MSRA: variants seen among roughly 807,000 people sequenced by gnomAD.
MSRA encodes the protein methionine sulfoxide reductase A.
In MSRA, 54 loss-of-function variants were observed where a neutral mutation model predicts 31.3. The observed-to-expected ratio is 1.73, with a 90% CI of 1.39 to 2.17. The LOEUF is 2.17. Ranked by LOEUF, MSRA falls within the 30% of genes most tolerant of loss-of-function variation. MSRA has a pLI of 0.00. For missense variants in MSRA, 507 were observed against 300.9 expected (o/e 1.69, Z -5.07); for synonymous variants, 169 against 116.5 (o/e 1.45, Z -2.90).
chr8:10,248,421 C>A (rs908181445), intron 3 of MSRA, among the ~76,000 whole-genome samples: 1 of 152,102 alleles, frequency 6.6e-6, no homozygotes, highest in African/African-American at 2.4e-5. Flanking sequence ...CTCTGTGCAA[C>A]CTCTTATGTG....
chr8:10,302,082 G>A (rs150010423), intron 4 of MSRA, among the ~76,000 whole-genome samples: 194 of 152,252 alleles, frequency 1.3e-3, no homozygotes, highest in African/African-American at 4.5e-3. Context: ...AATGTATGTG[G>A]TGATAAAGAA....
chr8:10,284,471 G>A (rs772121966), intron 3 of MSRA, among the ~76,000 whole-genome samples: 1 of 152,154 alleles, frequency 6.6e-6, no homozygotes. Context: ...TGGGATTACA[G>A]GCATGAGCCA....
At chr8:10,112,115 C>A (rs1388064097) in intron 1 of MSRA, among the ~76,000 whole-genome samples, 1 of 151,928 alleles carries the variant, frequency 6.6e-6, no homozygotes, top group Non-Finnish European at 1.5e-5. Flanking sequence ...TCACCTCTGA[C>A]ACCCAAGTCC....
intron 3 of MSRA, among the ~76,000 whole-genome samples, chr8:10,271,719 T>A (rs1177845051): frequency 7.7e-5 from 1 of 13,034 alleles, no homozygotes; most frequent in Non-Finnish European, 2.3e-4. Context: ...ATGGGTAGTC[T>A]TTTTTTTTTT....
At chr8:10,140,999 T>C (rs1802655674) in intron 1 of MSRA, among the ~76,000 whole-genome samples, 1 of 152,042 alleles carries the variant, frequency 6.6e-6, no homozygotes, top group Admixed American at 6.6e-5. Context: ...CGGAAGTCCT[T>C]TTTGGGGGCT....
At chr8:10,288,334 T>G (rs1266774185) in intron 3 of MSRA, among the ~76,000 whole-genome samples, 1 of 152,208 alleles carries the variant, frequency 6.6e-6, no homozygotes, top group Admixed American at 6.5e-5. Flanking sequence ...GTAAGATATT[T>G]TTGTCCCCCA....
intron 4 of MSRA, among the ~76,000 whole-genome samples, chr8:10,315,852 C>T (rs577224463): frequency 9.2e-5 from 14 of 152,248 alleles, no homozygotes; most frequent in African/African-American, 2.6e-4. Flanking sequence ...CATTCTAGGA[C>T]GCATAATAAG....
At chr8:10,222,102 G>A (rs565445073) in intron 2 of MSRA, among the ~76,000 whole-genome samples, 80 of 151,740 alleles carry the variant, frequency 5.3e-4, no homozygotes, top group East Asian at 7.7e-4. Context: ...TAAAGCCACC[G>A]TGAGTGCTCT....
intron 5 of MSRA, among the ~76,000 whole-genome samples, chr8:10,413,044 T>C (rs1240220409): frequency 6.6e-6 from 1 of 152,200 alleles, no homozygotes; most frequent in Non-Finnish European, 1.5e-5. Flanking sequence ...GCTTTGTTCA[T>C]AATAGCCAGA....
chr8:10,226,287 T>G (rs1810994539), intron 2 of MSRA, among the ~76,000 whole-genome samples: 3 of 152,360 alleles, frequency 2.0e-5, no homozygotes, highest in Admixed American at 1.3e-4. Context: ...CTCCCAGCTC[T>G]GCTGTTCCTT....
At chr8:10,224,201 G>A (rs146483428) in intron 2 of MSRA, among the ~76,000 whole-genome samples, 1 of 152,256 alleles carries the variant, frequency 6.6e-6, no homozygotes, top group East Asian at 1.9e-4. Flanking sequence ...GTTATCTGGT[G>A]TCACCGTTCA....
At chr8:10,283,819 A>ATATATG in intron 3 of MSRA, among the ~76,000 whole-genome samples, 1 of 73,746 alleles carries the variant, frequency 1.4e-5, no homozygotes, top group Non-Finnish European at 2.7e-5. Context: ...ATATATATAT[A>ATATATG]TATATATATA....
chr8:10,161,449 T>C (rs888565488), intron 1 of MSRA, among the ~76,000 whole-genome samples: 8 of 152,174 alleles, frequency 5.3e-5, no homozygotes, highest in Non-Finnish European at 1.0e-4. Flanking sequence ...CAACCTTCCA[T>C]AGAAGCGCTA....
chr8:10,274,207 T>C (rs1469482537), intron 3 of MSRA, among the ~76,000 whole-genome samples: 2 of 152,196 alleles, frequency 1.3e-5, no homozygotes, highest in East Asian at 1.9e-4. Context: ...ACTTCTAACA[T>C]GCTAGTGTAG....
chr8:10,340,316 T>A (rs1434239242), intron 5 of MSRA, among the ~76,000 whole-genome samples: 1 of 151,974 alleles, frequency 6.6e-6, no homozygotes, highest in Non-Finnish European at 1.5e-5. Flanking sequence ...AAAAAAAAAA[T>A]GTATATCCGA....
rs374345620 is a variant in MSRA, at chr8:10,145,827, CGT to C, written c.143-61991_143-61990del. On this transcript the variant is annotated intron_variant, in intron 1 of 5. Transcript: ENST00000317173. ...AGATGTACATACACCCGCATCTGCA[CGT>C]GTGTGTGTGTGTGTAATGATTTTGG... Among the ~76,000 whole-genome samples, 190 of 151,352 alleles carry C rather than the reference CGT, an allele frequency of 1.3e-3. 1 individual carries two copies. Among genetic ancestry groups the C allele is most frequent in the South Asian group, 0.01 (49 of 4,786 alleles).
At chr8:10,244,300 T>A (rs1797496718) in intron 2 of MSRA, among the ~76,000 whole-genome samples, 1 of 152,204 alleles carries the variant, frequency 6.6e-6, no homozygotes, top group Non-Finnish European at 1.5e-5. Context: ...GGTTCTGTAT[T>A]TGGAGCCCAA....
intron 5 of MSRA, among the ~76,000 whole-genome samples, chr8:10,331,979 G>C (rs1056408292): frequency 1.8e-4 from 28 of 152,176 alleles, no homozygotes; most frequent in African/African-American, 6.8e-4. Flanking sequence ...GGGTTTAATG[G>C]GTGACTGCAG....
At chr8:10,070,186 G>A (rs1311958807) in intron 1 of MSRA, among the ~76,000 whole-genome samples, 1 of 152,176 alleles carries the variant, frequency 6.6e-6, no homozygotes, top group Non-Finnish European at 1.5e-5. Context: ...TCTATCAAGG[G>A]AGCAAAAATG....
Sources: gnomAD v4.1 joint callset for allele counts (sites outside exome capture counted in the v4.1 genomes callset) on GRCh38, gnomAD v4.1.1 for gene constraint, MANE v1.5 for transcripts, NCBI Gene and HGNC (gene_info 2026-07-23, HGNC 2026-07-21) for gene names.